The following HECW2 variants were observed in gnomAD, a reference collection of about 807,000 sequenced individuals.
HECW2 encodes HECT, C2 and WW domain containing E3 ubiquitin protein ligase 2.
A neutral mutation model predicts 175.2 loss-of-function variants in HECW2; 61 were observed. That is an observed-to-expected ratio of 0.35 (90% CI 0.28 to 0.43). The LOEUF is 0.43. Among genes scored for constraint, HECW2 ranks in the 20% least tolerant of loss-of-function variants. HECW2 has a pLI of 1.00. For missense variants in HECW2, 1,524 were observed against 2,000.5 expected, an observed-to-expected ratio of 0.76 and a Z score of 4.54; for synonymous variants, 671 against 731.0, an observed-to-expected ratio of 0.92 and a Z score of 1.32.
chr2:196,298,598 T>C (rs1690907759), intron 13 of HECW2, among the ~76,000 whole-genome samples: 1 of 152,208 alleles, frequency 6.6e-6, no homozygotes, highest in Non-Finnish European at 1.5e-5. Flanking sequence ...GCTGCACCCA[T>C]TAACTCGTCA....
At chr2:196,376,877 A>G (rs181739334) in intron 2 of HECW2, among the ~76,000 whole-genome samples, 3 of 152,186 alleles carry the variant, frequency 2.0e-5, no homozygotes, top group African/African-American at 7.2e-5. Context: ...GGTTGCAGTG[A>G]GCCAAGATCA....
chr2:196,372,397 G>A (rs1693931727), intron 2 of HECW2, among the ~76,000 whole-genome samples: 1 of 152,052 alleles, frequency 6.6e-6, no homozygotes, highest in Admixed American at 6.5e-5. Context: ...TATTCTTTAC[G>A]GTATCTGCTT....
In HECW2 at chr2:196,246,335, G is replaced by C. The variant is rs138350243; in HGVS notation, c.3530-4131C>G. Among the ~76,000 whole-genome samples the C allele has an allele frequency of 1.9e-3, 290 of 152,202 alleles. 1 individual carries two copies. Among genetic ancestry groups the C allele is most frequent in the African/African-American group, 6.8e-3 (282 of 41,520 alleles). ...CAAGAGCAAAATCATTGATAAGAGA[G>C]AGAAAAATGAAGAACAAGGAACTGA... is the stretch of plus-strand genomic sequence containing the variant. On this transcript the variant is annotated intron_variant, in intron 19 of 28. Coordinates refer to ENST00000644978, the MANE Select transcript of HECW2 (RefSeq NM_001348768.2).
At chr2:196,233,100 TTC>T (rs1230640492) in intron 21 of HECW2, among the ~76,000 whole-genome samples, 1 of 152,232 alleles carries the variant, frequency 6.6e-6, no homozygotes. Context: ...TCTTAGCAAC[TTC>T]TTTCATATAA....
chr2:196,510,754 G>A (rs560090353), intron 1 of HECW2, among the ~76,000 whole-genome samples: 8 of 152,156 alleles, frequency 5.3e-5, no homozygotes, highest in South Asian at 2.1e-4. Context: ...AGAGCTTATA[G>A]AGAAGTAGTT....
intron 3 of HECW2, among the ~76,000 whole-genome samples, chr2:196,343,043 T>C (rs1214795516): frequency 6.6e-6 from 1 of 150,552 alleles, no homozygotes; most frequent in East Asian, 1.9e-4. Context: ...ACATGTAATA[T>C]TTGCATATAT....
At chr2:196,297,364 A>G (rs1179031693) in intron 13 of HECW2, among the ~76,000 whole-genome samples, 1 of 152,202 alleles carries the variant, frequency 6.6e-6, no homozygotes, top group South Asian at 2.1e-4. Flanking sequence ...AGTTTTGTTA[A>G]ATAACACTCC....
At chr2:196,487,047 G>C (rs1311395317) in intron 1 of HECW2, among the ~76,000 whole-genome samples, 3 of 151,680 alleles carry the variant, frequency 2.0e-5, no homozygotes, top group Admixed American at 1.3e-4. Context: ...TACTTGGGAG[G>C]CTGCGGCAGG....
chr2:196,548,392 A>G (rs1689494879), intron 1 of HECW2, among the ~76,000 whole-genome samples: 1 of 151,950 alleles, frequency 6.6e-6, no homozygotes, highest in African/African-American at 2.4e-5. Flanking sequence ...CATAATACAG[A>G]TGCTTACAAA....
At chr2:196,250,417 G>T (rs1688812530) in intron 19 of HECW2, among the ~76,000 whole-genome samples, 1 of 152,138 alleles carries the variant, frequency 6.6e-6, no homozygotes, top group Non-Finnish European at 1.5e-5. Context: ...ACCTTTATTG[G>T]CTACTTGTTA....
intron 17 of HECW2, among the ~76,000 whole-genome samples, chr2:196,261,256 A>C (rs1689281067): frequency 6.6e-6 from 1 of 152,260 alleles, no homozygotes; most frequent in Admixed American, 6.5e-5. Context: ...TAAAGAGAAA[A>C]TAAAAGAGAT....
Position 196,318,541 on chromosome 2 carries a change from C to T in HECW2, c.2338+11G>A. Reference sequence around the variant, plus strand: ...CTCGAGCCAAGAGCCACAGTGGTGTCCATATCCTACCTCCAGTAGCGCCCT... The same window carrying T: ...CTCGAGCCAAGAGCCACAGTGGTGTTCATATCCTACCTCCAGTAGCGCCCT... On this transcript the variant is annotated intron_variant, in intron 9 of 28. Coordinates refer to ENST00000644978, the MANE Select transcript of HECW2 (RefSeq NM_001348768.2). The T allele has an allele frequency of 6.7e-7, 1 of 1,497,486 alleles. No homozygotes were observed. Among genetic ancestry groups the T allele is most frequent in the Non-Finnish European group, 8.9e-7 (1 of 1,123,044 alleles). 92.8% of individuals were successfully genotyped at this position (1,497,486 alleles called of 1,614,324 possible). A position where few individuals can be genotyped will look rare whatever the true frequency, so the allele number is the denominator to read the frequency against.
chr2:196,342,549 T>C (rs1692796230), intron 3 of HECW2, among the ~76,000 whole-genome samples: 1 of 152,104 alleles, frequency 6.6e-6, no homozygotes, highest in African/African-American at 2.4e-5. Context: ...TTTTCAATAA[T>C]ATTGGTGGCA....
At chr2:196,367,189 C>T (rs1428426076) in intron 2 of HECW2, among the ~76,000 whole-genome samples, 1 of 152,146 alleles carries the variant, frequency 6.6e-6, no homozygotes, top group Admixed American at 6.5e-5. Flanking sequence ...TTAAACATAT[C>T]GCACAGATTC....
intron 4 of HECW2, among the ~76,000 whole-genome samples, chr2:196,332,482 T>C (rs139618807): frequency 5.4e-4 from 82 of 152,314 alleles, no homozygotes; most frequent in African/African-American, 1.8e-3. Context: ...ACTATACTGA[T>C]TGCCAGTGTT....
At chr2:196,542,635 C>T (rs1404195991) in intron 1 of HECW2, among the ~76,000 whole-genome samples, 2 of 151,964 alleles carry the variant, frequency 1.3e-5, no homozygotes, top group Non-Finnish European at 2.9e-5. Flanking sequence ...GAAGCAACTA[C>T]TGTTAACAGA....
At chr2:196,582,112 A>G (rs1301992838) in intron 1 of HECW2, among the ~76,000 whole-genome samples, 1 of 152,084 alleles carries the variant, frequency 6.6e-6, no homozygotes, top group Non-Finnish European at 1.5e-5. Context: ...CTTACCCTGA[A>G]GAAATTTAGT....
intron 1 of HECW2, among the ~76,000 whole-genome samples, chr2:196,561,187 A>C (rs1400356314): frequency 6.6e-6 from 1 of 152,218 alleles, no homozygotes; most frequent in East Asian, 1.9e-4. Context: ...TTCCCAGAGG[A>C]GGCCTCTAAA....
chr2:196,334,180 G>A (rs1692466900), intron 4 of HECW2, among the ~76,000 whole-genome samples: 1 of 152,152 alleles, frequency 6.6e-6, no homozygotes, highest in South Asian at 2.1e-4. Context: ...TCATGAATGG[G>A]TTCCCCGGAG....
Sources: allele counts gnomAD v4.1 joint callset (sites outside exome capture counted in the v4.1 genomes callset), GRCh38; gene constraint gnomAD v4.1.1; transcripts MANE v1.5; gene names NCBI Gene and HGNC (gene_info 2026-07-23, HGNC 2026-07-21).